The following RHOJ variants were observed in gnomAD, a reference collection of about 807,000 sequenced individuals.
The protein encoded by RHOJ is ras homolog family member J.
Under a neutral mutation model 23.4 loss-of-function variants are expected in RHOJ, and 11 were observed. The ratio of observed to expected loss-of-function variants is 0.47; its 90% CI spans 0.30 to 0.78. The LOEUF (loss-of-function observed/expected upper bound fraction) is 0.78. Among genes scored for constraint, RHOJ ranks in the 30% least tolerant of loss-of-function variants. The pLI is 0.08. For missense variants in RHOJ, 254 were observed against 273.4 expected (o/e 0.93, Z 0.50); for synonymous variants, 102 against 102.7 (o/e 0.99, Z 0.04).
intron 4 of RHOJ, 148 bp downstream of exon 4, chr14:63,283,364 C>A: frequency 1.5e-6 from 1 of 679,534 alleles, no homozygotes; most frequent in Admixed American, 2.3e-5. Flanking sequence ...CCCCTCTGTT[C>A]TAGTCGGGCT....
At chr14:63,287,954 A>AT (rs905428473) in intron 4 of RHOJ, among the ~76,000 whole-genome samples, 2 of 151,984 alleles carry the variant, frequency 1.3e-5, no homozygotes, top group South Asian at 2.1e-4. Flanking sequence ...GACACAGATC[A>AT]TTTTTTTTAG....
chr14:63,249,428 G>T (rs1017996188), intron 1 of RHOJ, among the ~76,000 whole-genome samples: 3 of 152,178 alleles, frequency 2.0e-5, no homozygotes, highest in Non-Finnish European at 4.4e-5. Context: ...AACCTTTTGT[G>T]TCCAATTAGT....
chr14:63,256,040 G>T (rs529258642), intron 1 of RHOJ, among the ~76,000 whole-genome samples: 50 of 151,984 alleles, frequency 3.3e-4, no homozygotes, highest in African/African-American at 1.0e-3. Context: ...ACTGTTTTTT[G>T]TTGTTGTTGT....
At chr14:63,257,143 CAGG>C (rs1895182590) in intron 1 of RHOJ, among the ~76,000 whole-genome samples, 1 of 143,106 alleles carries the variant, frequency 7.0e-6, no homozygotes, top group Non-Finnish European at 1.5e-5. Context: ...GGGGCTGAGG[CAGG>C]AGAATTGTTT....
intron 1 of RHOJ, among the ~76,000 whole-genome samples, chr14:63,252,671 A>G (rs1594766399): frequency 6.6e-6 from 1 of 151,368 alleles, no homozygotes; most frequent in African/African-American, 2.4e-5. Flanking sequence ...AATCCCCCAT[A>G]CCCCTGACTC....
intron 2 of RHOJ, among the ~76,000 whole-genome samples, chr14:63,280,054 T>G (rs1881848925): frequency 6.6e-6 from 1 of 152,110 alleles, no homozygotes; most frequent in African/African-American, 2.4e-5. Context: ...GACAGGGTCT[T>G]GCTGTGTTGC....
At chr14:63,281,184 G>T (rs771498747) in intron 3 of RHOJ, 49 bp downstream of exon 3, 14 of 1,545,494 alleles carry the variant, frequency 9.1e-6, no homozygotes, top group Admixed American at 1.9e-5. Context: ...AAAATGGGAA[G>T]ACCCTTTAGG....
At chr14:63,285,218 T>C (rs1882041584) in intron 4 of RHOJ, among the ~76,000 whole-genome samples, 1 of 152,182 alleles carries the variant, frequency 6.6e-6, no homozygotes, top group African/African-American at 2.4e-5. Context: ...TGTATATTAT[T>C]ATCTCCACTT....
chr14:63,291,267 C>T lies in RHOJ; in HGVS notation c.*243C>T, dbSNP rs1882242230. 1 of 538,494 alleles carries T rather than the reference C, an allele frequency of 1.9e-6. No individual in the cohort carries two copies. Among genetic ancestry groups the T allele is most frequent in the South Asian group, 2.0e-5 (1 of 50,280 alleles). The allele number at this position is 538,494 out of a possible 1,614,324, so 33.4% of individuals were successfully genotyped here. Reference sequence around the variant, plus strand: ...GAGAATGCTGGGCCTGGATTGCAGACAGTGCCGCTGCTGATCGCATCAAAA... The same window carrying T: ...GAGAATGCTGGGCCTGGATTGCAGATAGTGCCGCTGCTGATCGCATCAAAA... On this transcript the variant is annotated 3_prime_UTR_variant, in exon 5 of 5. Transcript: ENST00000316754.
chr14:63,253,087 C>A (rs1447092866), intron 1 of RHOJ, among the ~76,000 whole-genome samples: 1 of 152,164 alleles, frequency 6.6e-6, no homozygotes, highest in Non-Finnish European at 1.5e-5. Flanking sequence ...CCTATTCTTT[C>A]TTTTCTTATA....
intron 2 of RHOJ, among the ~76,000 whole-genome samples, chr14:63,277,237 T>C (rs61996649): frequency 0.015 from 2,296 of 152,328 alleles, 23 homozygotes; most frequent in Non-Finnish European, 0.022. Context: ...ATGTGAATGT[T>C]GATGGTACCA....
intron 2 of RHOJ, among the ~76,000 whole-genome samples, chr14:63,278,138 G>GT (rs35944554): frequency 0.026 from 3,914 of 151,914 alleles, 156 homozygotes; most frequent in African/African-American, 0.087. Context: ...AATAGTGGGG[G>GT]TTTTTTTTGT....
At chr14:63,274,114 C>T (rs1881638225) in intron 2 of RHOJ, among the ~76,000 whole-genome samples, 1 of 152,188 alleles carries the variant, frequency 6.6e-6, no homozygotes, top group Non-Finnish European at 1.5e-5. Flanking sequence ...GAAGCAAGCA[C>T]AGCTAGGGTT....
chr14:63,257,944 G>A (rs576379033), intron 1 of RHOJ, among the ~76,000 whole-genome samples: 6 of 149,628 alleles, frequency 4.0e-5, no homozygotes, highest in African/African-American at 1.5e-4. Context: ...CTGACTCCAA[G>A]AGGGCTATCA....
chr14:63,228,105 G>A (rs1894627514), intron 1 of RHOJ, among the ~76,000 whole-genome samples: 1 of 152,194 alleles, frequency 6.6e-6, no homozygotes, highest in African/African-American at 2.4e-5. Context: ...ATTGTCCTAT[G>A]AGCATGTCCA....
At chr14:63,209,875 A>T (rs1030938640) in intron 1 of RHOJ, among the ~76,000 whole-genome samples, 1 of 151,770 alleles carries the variant, frequency 6.6e-6, no homozygotes, top group African/African-American at 2.4e-5. Context: ...ATATTTCTGA[A>T]CTATTTTATT....
At chr14:63,243,037 A>T (rs956600960) in intron 1 of RHOJ, among the ~76,000 whole-genome samples, 17 of 152,238 alleles carry the variant, frequency 1.1e-4, no homozygotes, top group Admixed American at 9.8e-4. Context: ...TTGTAGGCAT[A>T]GGAAAGTGGA....
At chr14:63,251,993 C>T (rs189703852) in intron 1 of RHOJ, among the ~76,000 whole-genome samples, 109 of 151,974 alleles carry the variant, frequency 7.2e-4, no homozygotes, top group African/African-American at 2.3e-3. Context: ...TGGTGGTGCA[C>T]GAGAATCACC....
At chr14:63,234,912 C>T (rs1438402278) in intron 1 of RHOJ, among the ~76,000 whole-genome samples, 1 of 152,088 alleles carries the variant, frequency 6.6e-6, no homozygotes, top group Non-Finnish European at 1.5e-5. Flanking sequence ...GCATGGTGCC[C>T]CGTTAAAGAA....
Sources: gnomAD v4.1 joint callset for allele counts (sites outside exome capture counted in the v4.1 genomes callset) on GRCh38, gnomAD v4.1.1 for gene constraint, MANE v1.5 for transcripts, NCBI Gene and HGNC (gene_info 2026-07-23, HGNC 2026-07-21) for gene names.